The following GRIK4 variants were observed in gnomAD, a reference collection of about 807,000 sequenced individuals.
GRIK4 encodes the protein glutamate receptor ionotropic, kainate 4.
Under a neutral mutation model 104.9 loss-of-function variants are expected in GRIK4, and 40 were observed. The ratio of observed to expected loss-of-function variants is 0.38; its 90% CI spans 0.30 to 0.50. The LOEUF (loss-of-function observed/expected upper bound fraction) is 0.50. Ranked by LOEUF, GRIK4 falls within the 20% of genes least tolerant of loss-of-function variation. GRIK4 has a pLI of 0.93. For missense variants in GRIK4, 1,047 were observed against 1,308.1 expected (o/e 0.80, Z 3.08); for synonymous variants, 485 against 524.9 (o/e 0.92, Z 1.04).
chr11:120,782,520 T>C (rs1317042456), intron 3 of GRIK4, among the ~76,000 whole-genome samples: 1 of 152,018 alleles, frequency 6.6e-6, no homozygotes, highest in Non-Finnish European at 1.5e-5. Context: ...CTCCTGACCT[T>C]GTGATCTGCC....
intron 6 of GRIK4, 119 bp downstream of exon 6, chr11:120,820,039 G>T: frequency 2.2e-6 from 2 of 893,366 alleles, no homozygotes; most frequent in Non-Finnish European, 1.8e-6. Context: ...AGATCCACAG[G>T]GCTGATAACC....
Position 120,815,452 on chromosome 11 carries a change from A to G in GRIK4, c.322A>G (p.Ser108Gly), listed in dbSNP as rs997289966. 3.2e-6 allele frequency: 5 copies of G among 1,549,904 alleles called. No homozygotes were observed. Among genetic ancestry groups the G allele is most frequent in the Non-Finnish European group, 4.4e-6 (5 of 1,145,390 alleles). Residue 108 changes from serine to glycine, a missense_variant, in exon 5 of 21, where the codon AGC becomes GGC. By Grantham distance (56) the Ser-to-Gly change is moderately conservative (BLOSUM62 0). Transcript: ENST00000527524. ...SSSPASSSIISNICGEKEVPH... is the reference protein window; with the variant it reads ...SSSPASSSIIGNICGEKEVPH... Reference sequence around the variant, plus strand: ...CAGCCCAGCCTCCAGCTCCATCATCAGCAACATCTGTGGAGAGAAGGAGGT... The same window carrying G: ...CAGCCCAGCCTCCAGCTCCATCATCGGCAACATCTGTGGAGAGAAGGAGGT...
At chr11:120,617,775 T>A (rs890912493) in intron 1 of GRIK4, among the ~76,000 whole-genome samples, 7 of 152,182 alleles carry the variant, frequency 4.6e-5, no homozygotes, top group African/African-American at 1.7e-4. Context: ...GATTGTAAGT[T>A]TTCTGAGGCC....
intron 10 of GRIK4, among the ~76,000 whole-genome samples, chr11:120,874,802 G>A (rs73584407): frequency 0.011 from 1,717 of 152,306 alleles, 33 homozygotes; most frequent in African/African-American, 0.039. Context: ...GTGCCTGCCC[G>A]GAGAGGATGA....
chr11:120,637,194 T>A (rs879414356), intron 1 of GRIK4, among the ~76,000 whole-genome samples: 1 of 109,476 alleles, frequency 9.1e-6, no homozygotes, highest in Admixed American at 1.1e-4. Context: ...CAGGTGGGGG[T>A]GGGGAGAAAG....
At chr11:120,794,604 G>A (rs1055543313) in intron 3 of GRIK4, among the ~76,000 whole-genome samples, 1 of 152,102 alleles carries the variant, frequency 6.6e-6, no homozygotes, top group Non-Finnish European at 1.5e-5. Context: ...ACCACGTACG[G>A]GTGCAGGGAG....
chr11:120,712,274 G>A (rs758277475), intron 3 of GRIK4, among the ~76,000 whole-genome samples: 1 of 152,146 alleles, frequency 6.6e-6, no homozygotes, highest in Non-Finnish European at 1.5e-5. Flanking sequence ...TGGGGCGAGG[G>A]TTGGGAAGAG....
chr11:120,876,626 A>T (rs536196236), intron 11 of GRIK4, among the ~76,000 whole-genome samples: 1 of 151,870 alleles, frequency 6.6e-6, no homozygotes, highest in Non-Finnish European at 1.5e-5. Context: ...ATTAGTCCCA[A>T]TTTTATACTT....
chr11:120,762,667 A>G (rs771365196), intron 3 of GRIK4, among the ~76,000 whole-genome samples: 21 of 152,148 alleles, frequency 1.4e-4, no homozygotes, highest in Non-Finnish European at 1.6e-4. Context: ...AATTTTATCA[A>G]AGGCCTTTTC....
chr11:120,987,187 A>C lies in GRIK4; in HGVS notation c.*927A>C, dbSNP rs868256545. On this transcript the variant is annotated 3_prime_UTR_variant, in exon 21 of 21. Coordinates refer to ENST00000527524, the MANE Select transcript of GRIK4 (RefSeq NM_014619.5). ...CAGACAGGGGAGGAGAACAGAATGC[A>C]CAAAGTATCCTAGGACTTTGTTTAA... 6.6e-6 allele frequency: 1 copy of C among 152,270 alleles called. No individual in the cohort carries two copies. Among genetic ancestry groups the C allele is most frequent in the Non-Finnish European group, 1.5e-5 (1 of 68,056 alleles). The allele number at this position is 152,270 out of a possible 1,614,324, so 9.4% of individuals were successfully genotyped here. A position where few individuals can be genotyped will look rare whatever the true frequency, so the allele number is the denominator to read the frequency against.
chr11:120,896,444 G>T (rs145339927), intron 11 of GRIK4, among the ~76,000 whole-genome samples: 5 of 152,262 alleles, frequency 3.3e-5, no homozygotes, highest in African/African-American at 1.2e-4. Context: ...CAGAGATGGG[G>T]ACAGCTGCCC....
intron 3 of GRIK4, among the ~76,000 whole-genome samples, chr11:120,686,746 C>T (rs564427601): frequency 1.3e-5 from 2 of 152,292 alleles, no homozygotes; most frequent in South Asian, 2.1e-4. Context: ...TATGTTTTAT[C>T]GGCATACATT....
rs1944757517 is a variant in GRIK4, at chr11:120,986,508, A to G, written c.*248A>G. ...AGGACGGCCCTCCCTCCTGGGCACA[A>G]GGACCCATCTTCTCCCAGTGGGTCT... On this transcript the variant is annotated 3_prime_UTR_variant, in exon 21 of 21. Transcript: ENST00000527524. The G allele has an allele frequency of 4.0e-6, 2 of 500,978 alleles. No homozygotes were observed. Among genetic ancestry groups the G allele is most frequent in the Admixed American group, 8.3e-5 (2 of 24,046 alleles). The allele number at this position is 500,978 out of a possible 1,614,324, so 31.0% of individuals were successfully genotyped here.
intron 18 of GRIK4, among the ~76,000 whole-genome samples, chr11:120,963,314 G>C (rs1389861822): frequency 1.3e-5 from 2 of 152,228 alleles, no homozygotes; most frequent in African/African-American, 2.4e-5. Flanking sequence ...GAGACGTTTG[G>C]CTTCCAGAAA....
intron 3 of GRIK4, among the ~76,000 whole-genome samples, chr11:120,773,144 C>T (rs1175234057): frequency 6.6e-6 from 1 of 152,118 alleles, no homozygotes; most frequent in East Asian, 1.9e-4. Context: ...CAAACTGGGA[C>T]ATAGAGATTA....
intron 13 of GRIK4, among the ~76,000 whole-genome samples, chr11:120,925,553 G>A (rs1410437202): frequency 1.3e-5 from 2 of 152,214 alleles, no homozygotes; most frequent in African/African-American, 4.8e-5. Flanking sequence ...AGCCAGCAGG[G>A]ATGGGAGACA....
chr11:120,879,060 C>A (rs761915048), intron 11 of GRIK4, among the ~76,000 whole-genome samples: 1 of 152,218 alleles, frequency 6.6e-6, no homozygotes, highest in Non-Finnish European at 1.5e-5. Flanking sequence ...GATAAATTCC[C>A]ATTTCACCAA....
At chr11:120,691,681 A>G (rs1330161482) in intron 3 of GRIK4, among the ~76,000 whole-genome samples, 3 of 152,184 alleles carry the variant, frequency 2.0e-5, no homozygotes, top group African/African-American at 7.2e-5. Context: ...CATTGAACCC[A>G]GGTCCTGGAG....
intron 3 of GRIK4, among the ~76,000 whole-genome samples, chr11:120,705,691 A>G (rs543180345): frequency 3.3e-5 from 5 of 152,282 alleles, no homozygotes; most frequent in Admixed American, 2.0e-4. Flanking sequence ...TCTTTCAGCA[A>G]TATTTTGTAG....
Sources: gnomAD v4.1 joint callset for allele counts (sites outside exome capture counted in the v4.1 genomes callset) on GRCh38, gnomAD v4.1.1 for gene constraint, MANE v1.5 for transcripts, NCBI Gene and HGNC (gene_info 2026-07-23, HGNC 2026-07-21) for gene names.